The following FREM2 variants were observed in gnomAD, a reference collection of about 807,000 sequenced individuals.
FREM2 encodes FRAS1-related extracellular matrix protein 2.
Under a neutral mutation model 219.9 loss-of-function variants are expected in FREM2, and 119 were observed. That is an observed-to-expected ratio of 0.54 (90% CI 0.47 to 0.63). The LOEUF (loss-of-function observed/expected upper bound fraction) is 0.63. Among genes scored for constraint, FREM2 ranks in the 30% least tolerant of loss-of-function variants. FREM2 has a pLI of 0.00. For synonymous variants in FREM2, 1,562 were observed against 1,522.8 expected, an observed-to-expected ratio of 1.03 and a Z score of -0.60; for missense variants, 4,030 against 3,993.6, an observed-to-expected ratio of 1.01 and a Z score of -0.25.
intron 17 of FREM2, among the ~76,000 whole-genome samples, chr13:38,873,231 A>G (rs1878227263): frequency 6.6e-6 from 1 of 152,220 alleles, no homozygotes; most frequent in African/African-American, 2.4e-5. Flanking sequence ...CACAACATAT[A>G]TATTTTTCTG....
chr13:38,854,241 A>G (rs924978542), intron 11 of FREM2, among the ~76,000 whole-genome samples: 3 of 151,912 alleles, frequency 2.0e-5, no homozygotes, highest in African/African-American at 7.2e-5. Flanking sequence ...TCCAGCAAGT[A>G]TACTATCAGA....
chr13:38,692,406 G>A lies in FREM2; in HGVS notation c.5062G>A (p.Asp1688Asn). 1 of 1,612,844 alleles carries A rather than the reference G, an allele frequency of 6.2e-7. No individual in the cohort carries two copies. Among genetic ancestry groups the A allele is most frequent in the Non-Finnish European group, 8.5e-7 (1 of 1,179,156 alleles). Residue 1688 changes from aspartate to asparagine, a missense_variant, in exon 1 of 24, where the codon GAC (aspartate) becomes AAC (asparagine). Coordinates refer to ENST00000280481, the MANE Select transcript of FREM2 (RefSeq NM_207361.6). Reference sequence around the variant, plus strand: ...CACAAGCAAAATATTGAAAGTGGAGGACAGAGACAGCTTACACATTTCTCT... The same window carrying A: ...CACAAGCAAAATATTGAAAGTGGAGAACAGAGACAGCTTACACATTTCTCT... The part of the protein sequence containing the change: ...MITSKILKVE[D>N]RDSLHISLRF...
chr13:38,851,459 C>T (rs1209858846), intron 10 of FREM2, among the ~76,000 whole-genome samples: 1 of 152,168 alleles, frequency 6.6e-6, no homozygotes, highest in Non-Finnish European at 1.5e-5. Flanking sequence ...ATATAGAGAG[C>T]TGGCAGCACA....
chr13:38,782,952 T>A, intron 4 of FREM2, 118 bp from the exon 5 acceptor site: 2 of 1,248,546 alleles, frequency 1.6e-6, no homozygotes, highest in South Asian at 2.4e-5. Context: ...ACTATGTTAT[T>A]CTAAAGAATA....
At position 38,689,030 on chromosome 13, in the gene FREM2, TCTC is replaced by T; in HGVS notation, c.1687_1689del (p.Leu563del). Reference sequence around the variant, plus strand: ...TGCCTGTGGATGACCAGCCACCTGTTCTCAATGCCAACACGGGGCTGACACTGG... The same window carrying T: ...TGCCTGTGGATGACCAGCCACCTGTTAATGCCAACACGGGGCTGACACTGG... On this transcript the variant is annotated inframe_deletion, in exon 1 of 24. Coordinates refer to ENST00000280481, the MANE Select transcript of FREM2 (RefSeq NM_207361.6). 3 of 1,613,878 alleles carry T rather than the reference TCTC, an allele frequency of 1.9e-6. No homozygotes were observed. Among genetic ancestry groups the T allele is most frequent in the Non-Finnish European group, 2.5e-6 (3 of 1,179,870 alleles).
intron 16 of FREM2, among the ~76,000 whole-genome samples, chr13:38,869,434 G>T (rs1017373909): frequency 1.3e-5 from 2 of 152,094 alleles, no homozygotes; most frequent in African/African-American, 2.4e-5. Flanking sequence ...ATTCATTAAA[G>T]AAATATTCCA....
At position 38,789,353 on chromosome 13, in the gene FREM2, T is replaced by C. The variant is rs529889471; in HGVS notation, c.6019+4545T>C. Reference sequence around the variant, plus strand: ...ATTATCTACATTTTCAAAATAATACTGTAAATTAATTATATTATCATAAAA... The same window carrying C: ...ATTATCTACATTTTCAAAATAATACCGTAAATTAATTATATTATCATAAAA... On this transcript the variant is annotated intron_variant, in intron 6 of 23. Transcript: ENST00000280481. 3.9e-5 allele frequency among the ~76,000 whole-genome samples: 6 copies of C among 152,004 alleles called. No individual in the cohort carries two copies. In the South Asian group the frequency reaches 6.2e-4, roughly 16 times the overall value.
intron 2 of FREM2, among the ~76,000 whole-genome samples, chr13:38,725,759 T>C (rs1482967778): frequency 3.9e-5 from 6 of 152,190 alleles, no homozygotes; most frequent in Non-Finnish European, 8.8e-5. Context: ...CTTTTGCAGA[T>C]CTATGGAGAG....
Position 38,691,004 on chromosome 13 carries a change from T to C in FREM2, c.3660T>C (p.Val1220=). ...TTCTCAATGCTGCTGATGCTGATGT[T>C]CCCCTGGATGATTTAACTTTCACTA... The part of the protein sequence containing the change: ...TPILNAADAD[V]PLDDLTFTIT... The change falls in exon 1 of 24, where the codon GTT becomes GTC. Residue 1220 remains valine, a synonymous_variant. Transcript: ENST00000280481. The C allele has an allele frequency of 6.2e-7, 1 of 1,614,154 alleles. No individual in the cohort carries two copies. Among genetic ancestry groups the C allele is most frequent in the East Asian group, 2.2e-5 (1 of 44,884 alleles).
chr13:38,704,825 G>A (rs1361567565), intron 2 of FREM2, among the ~76,000 whole-genome samples: 2 of 152,164 alleles, frequency 1.3e-5, no homozygotes, highest in East Asian at 3.9e-4. Flanking sequence ...AAATGAAAGA[G>A]AAGCAAGTAC....
rs115954910 is a variant in FREM2, at chr13:38,777,573, A to C, written c.5642-5497A>C. On this transcript the variant is annotated intron_variant, in intron 4 of 23. Transcript: ENST00000280481. ...GTTGTTGCAAGGATAAAACTAGCCA[A>C]TCATGTGAAGTGTTTAGAATAGAGC... 5.0e-3 allele frequency among the ~76,000 whole-genome samples: 762 copies of C among 152,302 alleles called. 11 individuals are homozygous for C. Among genetic ancestry groups the C allele is most frequent in the African/African-American group, 0.018 (734 of 41,560 alleles).
At chr13:38,754,665 C>T (rs988170107) in intron 2 of FREM2, among the ~76,000 whole-genome samples, 3 of 152,136 alleles carry the variant, frequency 2.0e-5, no homozygotes, top group Admixed American at 6.6e-5. Flanking sequence ...CCATGGCCCT[C>T]AATCTGTCCA....
At chr13:38,797,121 C>G (rs757040908) in intron 6 of FREM2, among the ~76,000 whole-genome samples, 10 of 110,082 alleles carry the variant, frequency 9.1e-5, no homozygotes, top group Non-Finnish European at 2.0e-4. Context: ...AAGCAATCCT[C>G]CCACCTTACC....
In FREM2 at chr13:38,733,599, G is replaced by T. The variant is rs538597460; in HGVS notation, c.5264-30705G>T. ...ATCTTGGTTTTTGCAATTAAAAAAA[G>T]GTTGTCAAGAAACTTTATATATATT... On this transcript the variant is annotated intron_variant, in intron 2 of 23. Coordinates refer to ENST00000280481, the MANE Select transcript of FREM2 (RefSeq NM_207361.6). Among the ~76,000 whole-genome samples, 498 of 151,936 alleles carry T rather than the reference G, an allele frequency of 3.3e-3. 3 individuals are homozygous for T. Among genetic ancestry groups the T allele is most frequent in the African/African-American group, 0.011 (474 of 41,532 alleles).
chr13:38,803,883 C>T (rs1875118803), intron 6 of FREM2, among the ~76,000 whole-genome samples: 1 of 151,738 alleles, frequency 6.6e-6, no homozygotes, highest in African/African-American at 2.4e-5. Context: ...GAGAAGAAAA[C>T]ATTTCTAGTG....
chr13:38,853,717 A>G (rs1877460305), intron 11 of FREM2, among the ~76,000 whole-genome samples: 1 of 152,242 alleles, frequency 6.6e-6, no homozygotes, highest in South Asian at 2.1e-4. Flanking sequence ...TCTATGTAAA[A>G]CAAAATATAT....
intron 2 of FREM2, among the ~76,000 whole-genome samples, chr13:38,733,610 A>T (rs1295734613): frequency 6.6e-6 from 1 of 151,638 alleles, no homozygotes; most frequent in East Asian, 1.9e-4. Context: ...GTTGTCAAGA[A>T]ACTTTATATA....
Position 38,691,516 on chromosome 13 carries a change from G to C in FREM2, c.4172G>C (p.Arg1391Pro). ...GTCCATTTGGGGCAAGAGGGCATTC[G>C]GGACCTAATTAAATTTGATGTGACT... The part of the protein sequence containing the change: ...QYVHLGQEGI[R>P]DLIKFDVTDG... Residue 1391 changes from arginine (R) to proline (P), a missense_variant, in exon 1 of 24, where the codon CGG (arginine) becomes CCG (proline). Physicochemically the swap from Arg to Pro is moderately radical, Grantham distance 103. This residue lies in a region of FREM2 where 3,102 missense variants were observed against 2,950.7 expected (regional missense o/e 1.05). Coordinates refer to ENST00000280481, the MANE Select transcript of FREM2 (RefSeq NM_207361.6). 1 of 1,614,088 alleles carries C rather than the reference G, an allele frequency of 6.2e-7. No homozygotes were observed. The highest frequency in any genetic ancestry group is 2.2e-5 in the East Asian group (1 of 44,890).
chr13:38,751,942 T>G (rs1235961245), intron 2 of FREM2, among the ~76,000 whole-genome samples: 1 of 151,962 alleles, frequency 6.6e-6, no homozygotes, highest in Non-Finnish European at 1.5e-5. Context: ...GCTTTTATAT[T>G]AATCTGAGAT....
Sources: gnomAD v4.1 joint callset for allele counts (sites outside exome capture counted in the v4.1 genomes callset) on GRCh38, gnomAD v4.1.1 for gene constraint, gnomAD v4.1.1 regional missense constraint, MANE v1.5 for transcripts, NCBI Gene and HGNC (gene_info 2026-07-23, HGNC 2026-07-21) for gene names.